Variants in MMP16 observed in about 807,000 individuals in gnomAD.
MMP16 encodes matrix metallopeptidase 16.
A neutral mutation model predicts 67.8 loss-of-function variants in MMP16; 12 were observed. That is an observed-to-expected ratio of 0.18 (90% confidence interval 0.11 to 0.29). MMP16 has a LOEUF of 0.29. MMP16 is among the 10% of genes least tolerant of loss of function. MMP16 has a pLI of 1.00. For missense variants in MMP16, 475 were observed against 765.7 expected (o/e 0.62, Z 4.48); for synonymous variants, 249 against 255.9 (o/e 0.97, Z 0.26).
At chr8:88,112,641 A>G (rs577552508) in intron 6 of MMP16, among the ~76,000 whole-genome samples, 1 of 149,982 alleles carries the variant, frequency 6.7e-6, no homozygotes, top group East Asian at 2.0e-4. Context: ...GAATGGCTTA[A>G]ATTTTTCATG....
intron 4 of MMP16, among the ~76,000 whole-genome samples, chr8:88,130,731 A>G (rs1362270973): frequency 6.6e-6 from 1 of 150,756 alleles, no homozygotes; most frequent in Non-Finnish European, 1.5e-5. Context: ...CTTGGATGGG[A>G]ACCATAACCT....
intron 1 of MMP16, among the ~76,000 whole-genome samples, chr8:88,221,241 C>G (rs1022662614): frequency 6.6e-6 from 1 of 152,078 alleles, no homozygotes; most frequent in Non-Finnish European, 1.5e-5. Flanking sequence ...TCTTCAGGCC[C>G]TAATACTTCC....
intron 3 of MMP16, among the ~76,000 whole-genome samples, chr8:88,173,017 C>T (rs183553820): frequency 6.6e-6 from 1 of 152,242 alleles, no homozygotes; most frequent in African/African-American, 2.4e-5. Context: ...AACAATTTTA[C>T]ATATTAGTAA....
intron 7 of MMP16, among the ~76,000 whole-genome samples, chr8:88,056,727 T>G (rs948156545): frequency 2.6e-5 from 4 of 152,124 alleles, no homozygotes; most frequent in Admixed American, 6.6e-5. Flanking sequence ...ACACCTCCTC[T>G]GGGCTGGTCC....
chr8:88,048,306 C>T (rs932620616), intron 8 of MMP16, among the ~76,000 whole-genome samples: 3 of 152,172 alleles, frequency 2.0e-5, no homozygotes, highest in African/African-American at 7.2e-5. Flanking sequence ...CATCCCTTCA[C>T]AGGCTAGTCC....
intron 6 of MMP16, among the ~76,000 whole-genome samples, chr8:88,079,642 C>T (rs1808713019): frequency 6.6e-6 from 1 of 152,174 alleles, no homozygotes; most frequent in African/African-American, 2.4e-5. Context: ...TTACATAACA[C>T]TATGCTATGA....
chr8:88,176,714 A>C (rs1225664277), intron 3 of MMP16, among the ~76,000 whole-genome samples: 1 of 152,200 alleles, frequency 6.6e-6, no homozygotes, highest in Non-Finnish European at 1.5e-5. Context: ...ACTTTGGCAT[A>C]AATCAATTTT....
intron 1 of MMP16, among the ~76,000 whole-genome samples, chr8:88,266,117 C>G (rs891746306): frequency 7.9e-5 from 12 of 152,138 alleles, no homozygotes; most frequent in Admixed American, 7.9e-4. Context: ...ATCCCTGCCC[C>G]TCAAAATGCT....
At chr8:88,049,087 G>A (rs775576927) in intron 8 of MMP16, among the ~76,000 whole-genome samples, 27 of 152,208 alleles carry the variant, frequency 1.8e-4, no homozygotes, top group Admixed American at 6.5e-4. Flanking sequence ...ACACCAAAAG[G>A]GAAACTGTCA....
At chr8:88,084,940 C>T (rs1194140914) in intron 6 of MMP16, among the ~76,000 whole-genome samples, 2 of 151,812 alleles carry the variant, frequency 1.3e-5, no homozygotes, top group Non-Finnish European at 2.9e-5. Flanking sequence ...AGGCTGCAAC[C>T]AACATCTTTG....
At chr8:88,304,647 A>G (rs1811185789) in intron 1 of MMP16, among the ~76,000 whole-genome samples, 1 of 152,214 alleles carries the variant, frequency 6.6e-6, no homozygotes, top group East Asian at 1.9e-4. Flanking sequence ...AATATTCAAC[A>G]TTCTTAAAGA....
At chr8:88,290,951 G>A (rs1810917437) in intron 1 of MMP16, among the ~76,000 whole-genome samples, 2 of 152,040 alleles carry the variant, frequency 1.3e-5, no homozygotes, top group Admixed American at 1.3e-4. Context: ...CGATTCTAAT[G>A]AGTAAAACCT....
chr8:88,077,844 T>C (rs1483247834), intron 6 of MMP16, among the ~76,000 whole-genome samples: 1 of 152,202 alleles, frequency 6.6e-6, no homozygotes, highest in Non-Finnish European at 1.5e-5. Context: ...AGGTATATGT[T>C]TAGCACATAT....
intron 1 of MMP16, among the ~76,000 whole-genome samples, chr8:88,244,568 C>T (rs1312845977): frequency 1.3e-5 from 2 of 152,092 alleles, no homozygotes; most frequent in Non-Finnish European, 2.9e-5. Context: ...ATCAAGCACT[C>T]TTGTATTTTA....
chr8:88,139,368 GTGAGTATAC>G (rs1300347410), intron 4 of MMP16, among the ~76,000 whole-genome samples: 3 of 151,970 alleles, frequency 2.0e-5, no homozygotes, highest in African/African-American at 7.2e-5. Flanking sequence ...CCCTAGTCAG[GTGAGTATAC>G]TACCCCATCT....
chr8:88,280,171 T>C (rs369693526), intron 1 of MMP16, among the ~76,000 whole-genome samples: 7 of 152,234 alleles, frequency 4.6e-5, no homozygotes, highest in African/African-American at 9.6e-5. Flanking sequence ...TGTGCACTTA[T>C]GGTCTGCTTT....
intron 9 of MMP16, among the ~76,000 whole-genome samples, chr8:88,046,176 A>G (rs748603907): frequency 6.6e-6 from 1 of 152,050 alleles, no homozygotes; most frequent in Non-Finnish European, 1.5e-5. Flanking sequence ...CTGTTATTAT[A>G]CCATCATACA....
At chr8:88,180,230 G>A (rs773371983) in intron 3 of MMP16, among the ~76,000 whole-genome samples, 1 of 151,574 alleles carries the variant, frequency 6.6e-6, no homozygotes, top group African/African-American at 2.4e-5. Context: ...GCAGCGAGCT[G>A]AGATTGCGCC....
intron 8 of MMP16, among the ~76,000 whole-genome samples, chr8:88,050,721 C>T (rs115827774): frequency 0.01 from 1,527 of 152,280 alleles, 17 homozygotes; most frequent in African/African-American, 0.034. Flanking sequence ...AATGTTACTG[C>T]TAGTATCTGC....
Sources: gnomAD v4.1 joint callset for allele counts (sites outside exome capture counted in the v4.1 genomes callset) on GRCh38, gnomAD v4.1.1 for gene constraint, MANE v1.5 for transcripts, NCBI Gene and HGNC (gene_info 2026-07-23, HGNC 2026-07-21) for gene names.